ATOSA: variants seen among roughly 807,000 people sequenced by gnomAD.
ATOSA encodes the protein atos homolog protein A.
At chr15:52,604,159 C>T in the ATOSA span, among the ~76,000 whole-genome samples, 4 of 152,202 alleles carry the variant, frequency 2.6e-5, no homozygotes, top group Admixed American at 6.5e-5. Context: ...CCGTGGCCCA[C>T]GCCTGTAATC....
At chr15:52,598,874 A>C in the ATOSA span, among the ~76,000 whole-genome samples, 1 of 152,112 alleles carries the variant, frequency 6.6e-6, no homozygotes, top group Admixed American at 6.5e-5. Context: ...TCCTTGCAAC[A>C]GTAGGTTCTT....
At chr15:52,600,994 T>G in the ATOSA span, 1 of 773,442 alleles carries the variant, frequency 1.3e-6, no homozygotes, top group Non-Finnish European at 2.1e-6. Flanking sequence ...CTGTTACAAT[T>G]CTGATGTTTA....
the ATOSA span, among the ~76,000 whole-genome samples, chr15:52,677,696 G>A: frequency 1.3e-5 from 2 of 151,958 alleles, no homozygotes; most frequent in African/African-American, 2.4e-5. Context: ...ACCTAAAAAC[G>A]AGCAAGTACA....
At chr15:52,641,430 G>A in the ATOSA span, among the ~76,000 whole-genome samples, 1 of 152,182 alleles carries the variant, frequency 6.6e-6, no homozygotes, top group Non-Finnish European at 1.5e-5. Context: ...TCATCTGAAG[G>A]AGCAATGATG....
At chr15:52,631,561 C>T in the ATOSA span, among the ~76,000 whole-genome samples, 9 of 152,198 alleles carry the variant, frequency 5.9e-5, no homozygotes, top group Admixed American at 1.3e-4. Flanking sequence ...CAAACACCTA[C>T]GCCTATGTGT....
the ATOSA span, among the ~76,000 whole-genome samples, chr15:52,701,725 A>T: frequency 6.6e-6 from 1 of 152,250 alleles, no homozygotes; most frequent in Non-Finnish European, 1.5e-5. Context: ...CATCATAAGA[A>T]TCTAAAATTG....
chr15:52,645,747 T>A, the ATOSA span, among the ~76,000 whole-genome samples: 740 of 152,324 alleles, frequency 4.9e-3, 8 homozygotes, highest in African/African-American at 0.017. Context: ...GTAGAAAATA[T>A]TGTCCTTTTC....
At chr15:52,613,641 A>C in the ATOSA span, 13 of 1,596,714 alleles carry the variant, frequency 8.1e-6, no homozygotes, top group South Asian at 1.1e-4. Flanking sequence ...GTTTATATAA[A>C]AGATACAAAG....
At chr15:52,605,589 G>A in the ATOSA span, among the ~76,000 whole-genome samples, 3 of 151,948 alleles carry the variant, frequency 2.0e-5, no homozygotes, top group Non-Finnish European at 2.9e-5. Context: ...TTCAAATTTG[G>A]GATGCTCAAA....
chr15:52,676,873 GTGAT>G, the ATOSA span, among the ~76,000 whole-genome samples: 1 of 152,146 alleles, frequency 6.6e-6, no homozygotes, highest in African/African-American at 2.4e-5. Flanking sequence ...TTTTTCCAAA[GTGAT>G]TGATGTAATC....
the ATOSA span, among the ~76,000 whole-genome samples, chr15:52,635,904 G>A: frequency 7.9e-5 from 12 of 151,594 alleles, no homozygotes; most frequent in Non-Finnish European, 1.6e-4. Flanking sequence ...GCTGAGGCAG[G>A]AGAATTGCTT....
the ATOSA span, among the ~76,000 whole-genome samples, chr15:52,623,713 TAGTG>T: frequency 1.3e-5 from 2 of 152,030 alleles, no homozygotes; most frequent in Non-Finnish European, 2.9e-5. Context: ...ACCTTGAAAA[TAGTG>T]AGCTCAGTAG....
chr15:52,677,969 G>T, the ATOSA span: 1 of 1,613,664 alleles, frequency 6.2e-7, no homozygotes, highest in Non-Finnish European at 8.5e-7. Context: ...AAAAGAAGGG[G>T]GTGGGGGAAC....
At chr15:52,691,663 C>T in the ATOSA span, among the ~76,000 whole-genome samples, 1 of 151,716 alleles carries the variant, frequency 6.6e-6, no homozygotes, top group Admixed American at 6.6e-5. Context: ...AGTGAGACTC[C>T]ATCTCTACAG....
the ATOSA span, chr15:52,581,505 T>C: frequency 6.6e-6 from 1 of 152,230 alleles, no homozygotes; most frequent in African/African-American, 2.4e-5. Flanking sequence ...ATGGGCATGA[T>C]GATCTGAACT....
chr15:52,640,614 TCA>T, the ATOSA span, among the ~76,000 whole-genome samples: 1 of 115,944 alleles, frequency 8.6e-6, no homozygotes, highest in African/African-American at 3.4e-5. Flanking sequence ...CAATCTTATA[TCA>T]GAGATTTAAA....
chr15:52,696,357 CA>C, the ATOSA span, among the ~76,000 whole-genome samples: 15 of 152,278 alleles, frequency 9.9e-5, no homozygotes, highest in African/African-American at 3.6e-4. Flanking sequence ...TACCCAACCA[CA>C]ACAGCCTCCA....
At chr15:52,610,017 T>G in the ATOSA span, 1 of 1,613,932 alleles carries the variant, frequency 6.2e-7, no homozygotes, top group Non-Finnish European at 8.5e-7. Flanking sequence ...CTGGATATAG[T>G]TTGATATTTT....
the ATOSA span, among the ~76,000 whole-genome samples, chr15:52,592,177 T>C: frequency 6.6e-6 from 1 of 152,180 alleles, no homozygotes. Flanking sequence ...TCATTGTTAC[T>C]AATGTCCTTG....
Sources: gnomAD v4.1 joint callset for allele counts (sites outside exome capture counted in the v4.1 genomes callset) on GRCh38, gnomAD v4.1.1 for gene constraint, MANE v1.5 for transcripts, NCBI Gene and HGNC (gene_info 2026-07-23, HGNC 2026-07-21) for gene names.